The following PDSS2 variants were observed in gnomAD, a reference collection of about 807,000 sequenced individuals.
PDSS2 encodes the protein decaprenyl diphosphate synthase subunit 2.
A neutral mutation model predicts 44.5 loss-of-function variants in PDSS2; 31 were observed. That is an observed-to-expected ratio of 0.70 (90% confidence interval 0.52 to 0.94). The LOEUF (loss-of-function observed/expected upper bound fraction) is 0.94, where lower values mean the gene tolerates loss of function less well. Among genes scored for constraint, PDSS2 ranks in the 40% least tolerant of loss-of-function variants. PDSS2 has a pLI of 0.00. For synonymous variants in PDSS2, 157 were observed against 180.3 expected (o/e 0.87, Z 1.03); for missense variants, 452 against 482.2 (o/e 0.94, Z 0.59).
At chr6:107,286,808 G>A (rs1192981991) in intron 2 of PDSS2, among the ~76,000 whole-genome samples, 1 of 152,060 alleles carries the variant, frequency 6.6e-6, no homozygotes, top group African/African-American at 2.4e-5. Flanking sequence ...ACTTTGAGAG[G>A]CCAAGGTGGA....
At chr6:107,185,528 T>A (rs1201211349) in intron 7 of PDSS2, among the ~76,000 whole-genome samples, 1 of 152,234 alleles carries the variant, frequency 6.6e-6, no homozygotes, top group Non-Finnish European at 1.5e-5. Context: ...AAAAATACCA[T>A]CTGCCTCAGT....
At chr6:107,208,773 C>G (rs945807180) in intron 6 of PDSS2, among the ~76,000 whole-genome samples, 1 of 152,074 alleles carries the variant, frequency 6.6e-6, no homozygotes. Flanking sequence ...GTTGGCCAGG[C>G]TGGTCTCGAA....
chr6:107,178,436 AAG>A (rs1437685024), intron 7 of PDSS2, among the ~76,000 whole-genome samples: 1 of 152,220 alleles, frequency 6.6e-6, no homozygotes, highest in Non-Finnish European at 1.5e-5. Flanking sequence ...TGCCTCTTTC[AAG>A]AGAATGATGA....
intron 6 of PDSS2, among the ~76,000 whole-genome samples, chr6:107,203,184 G>A (rs924127708): frequency 1.3e-5 from 2 of 152,134 alleles, no homozygotes; most frequent in Non-Finnish European, 2.9e-5. Flanking sequence ...AACTCACCAT[G>A]TCAAGAACCT....
At chr6:107,400,563 C>T (rs562700798) in intron 1 of PDSS2, among the ~76,000 whole-genome samples, 89 of 152,260 alleles carry the variant, frequency 5.8e-4, no homozygotes, top group African/African-American at 2.0e-3. Flanking sequence ...CTGGCTGTCT[C>T]AGCTTGCTGC....
At chr6:107,457,618 G>A (rs1408030339) in intron 1 of PDSS2, among the ~76,000 whole-genome samples, 1 of 152,120 alleles carries the variant, frequency 6.6e-6, no homozygotes, top group East Asian at 1.9e-4. Flanking sequence ...GTCCTCAGGG[G>A]GGGAAAATTG....
At chr6:107,229,290 A>T (rs561552406) in intron 4 of PDSS2, among the ~76,000 whole-genome samples, 1 of 152,122 alleles carries the variant, frequency 6.6e-6, no homozygotes, top group East Asian at 1.9e-4. Flanking sequence ...GGGTTCAAGC[A>T]ATTCTCCCGC....
chr6:107,304,705 T>C (rs1776802317), intron 2 of PDSS2, among the ~76,000 whole-genome samples: 1 of 152,234 alleles, frequency 6.6e-6, no homozygotes, highest in Admixed American at 6.5e-5. Context: ...AAATATTACC[T>C]ATTACTGATT....
intron 1 of PDSS2, among the ~76,000 whole-genome samples, chr6:107,458,257 G>A (rs1489935910): frequency 8.6e-5 from 13 of 151,074 alleles, no homozygotes; most frequent in Non-Finnish European, 1.8e-4. Flanking sequence ...AGGCCGAGGC[G>A]GGTGGATCAC....
chr6:107,340,855 G>A (rs1778057486), intron 1 of PDSS2, among the ~76,000 whole-genome samples: 1 of 152,182 alleles, frequency 6.6e-6, no homozygotes, highest in Non-Finnish European at 1.5e-5. Flanking sequence ...ACCAGTTCAG[G>A]AGCTGTGGGG....
Position 107,245,625 on chromosome 6 carries a change from A to T in PDSS2, c.631-6T>A, listed in dbSNP as rs762553920. The T allele has an allele frequency of 6.5e-7, 1 of 1,544,364 alleles. No individual in the cohort carries two copies. Among genetic ancestry groups the T allele is most frequent in the Admixed American group, 1.7e-5 (1 of 58,584 alleles). ...CTTGCTAAAAGTTCCACAACCTAAA[A>T]AGCAAGAAGAAAAATAAAAATAAAA... On this transcript the variant is annotated splice_polypyrimidine_tract_variant and splice_region_variant and intron_variant, in intron 3 of 7. Transcript: ENST00000369037.
chr6:107,459,393 T>C lies in PDSS2; in HGVS notation c.-108A>G. The C allele has an allele frequency of 1.1e-6, 1 of 900,050 alleles. No individual in the cohort carries two copies. The highest frequency in any genetic ancestry group is 1.5e-5 in the South Asian group (1 of 68,844). 55.8% of individuals were successfully genotyped at this position (900,050 alleles called of 1,614,324 possible). On this transcript the variant is annotated 5_prime_UTR_variant, in exon 1 of 8. Coordinates refer to ENST00000369037, the MANE Select transcript of PDSS2 (RefSeq NM_020381.4). This position sits in a 1 kb window ranked among gnomAD's most constrained non-coding sequence, Gnocchi z 4.3. ...AGTAACTAAAAGGAAGCGGCAATTC[T>C]TGACCCTCAGAGTAAGGTGGCTTCC...
At chr6:107,178,579 A>T (rs570762561) in intron 7 of PDSS2, among the ~76,000 whole-genome samples, 7 of 152,240 alleles carry the variant, frequency 4.6e-5, no homozygotes, top group Non-Finnish European at 1.0e-4. Context: ...GTCATTTATT[A>T]GACAATCACA....
chr6:107,305,736 A>G (rs572445021), intron 2 of PDSS2, among the ~76,000 whole-genome samples: 40 of 152,122 alleles, frequency 2.6e-4, no homozygotes, highest in Non-Finnish European at 3.1e-4. Context: ...GCTTTTCTGG[A>G]CAAGTGGGCC....
At chr6:107,155,666 G>A (rs1048006059) in intron 7 of PDSS2, among the ~76,000 whole-genome samples, 1 of 148,042 alleles carries the variant, frequency 6.8e-6, no homozygotes, top group East Asian at 2.0e-4. Flanking sequence ...AGCAACCTTC[G>A]CCTCTCGGGT....
At chr6:107,348,126 C>T (rs958898954) in intron 1 of PDSS2, among the ~76,000 whole-genome samples, 28 of 152,268 alleles carry the variant, frequency 1.8e-4, no homozygotes, top group Admixed American at 4.6e-4. Context: ...CCTATCTTTT[C>T]GACTGACTTT....
intron 4 of PDSS2, 28 bp downstream of exon 4, chr6:107,245,520 A>G (rs750022598): frequency 1.1e-5 from 14 of 1,315,116 alleles, no homozygotes; most frequent in African/African-American, 1.4e-5. Flanking sequence ...TTTATAACAT[A>G]ACATTTTATG....
rs1343525750 is a variant in PDSS2 at position 107,193,706 on chromosome 6, G to A, written c.1041+116C>T. On this transcript the variant is annotated intron_variant, in intron 7 of 7. Coordinates refer to ENST00000369037, the MANE Select transcript of PDSS2 (RefSeq NM_020381.4). ...ATGCTATTGGCCTGTTACTTAACAG[G>A]AAATGTCCTTCAGCTCTCAATGTGA... is the stretch of plus-strand genomic sequence containing the variant. 5 of 759,984 alleles carry A rather than the reference G, an allele frequency of 6.6e-6. No individual in the cohort carries two copies. The African/African-American group carries it at 8.6e-5, about 13-fold the overall frequency. The allele number at this position is 759,984 out of a possible 1,614,324, so 47.1% of individuals were successfully genotyped here.
chr6:107,334,361 T>C, intron 1 of PDSS2, 29 bp from the exon 2 acceptor site: 2 of 1,605,604 alleles, frequency 1.2e-6, no homozygotes, highest in Non-Finnish European at 1.7e-6. Context: ...GGAAGAGGAT[T>C]AATATACCCT....
Sources: allele counts gnomAD v4.1 joint callset (sites outside exome capture counted in the v4.1 genomes callset), GRCh38; gene constraint gnomAD v4.1.1; non-coding constraint Gnocchi (gnomAD v3.1); transcripts MANE v1.5; gene names NCBI Gene and HGNC (gene_info 2026-07-23, HGNC 2026-07-21).